The following PHC2 variants were observed in gnomAD, a reference collection of about 807,000 sequenced individuals.
PHC2 encodes the protein polyhomeotic homolog 2.
In PHC2, 29 loss-of-function variants were observed where a neutral mutation model predicts 87.4. That is an observed-to-expected ratio of 0.33 (90% CI 0.25 to 0.45). The LOEUF is 0.45. Ranked by LOEUF, PHC2 falls within the 20% of genes least tolerant of loss-of-function variation. The pLI is 1.00. For missense variants in PHC2, 857 were observed against 1,136.7 expected (o/e 0.75, Z 3.54); for synonymous variants, 438 against 461.7 (o/e 0.95, Z 0.66).
rs1647315065 is a variant in PHC2, at chr1:33,364,386, GCTTTCACACACACACACACACACA to G, written c.976+2706_976+2729del. 1.6e-5 allele frequency among the ~76,000 whole-genome samples: 2 copies of G among 121,284 alleles called. No homozygotes were observed. The highest frequency in any genetic ancestry group is 7.5e-5 in the African/African-American group (2 of 26,720). 79.6% of individuals were successfully genotyped at this position (121,284 alleles called of 152,430 possible). ...CACACACACACACACACACACACTT[GCTTTCACACACACACACACACACA>G]CACACACACACACACGCTCAAGCAC... On this transcript the variant is annotated intron_variant, in intron 7 of 14. Transcript: ENST00000683057. The surrounding 1 kb of genome is among the most constrained non-coding windows in gnomAD (Gnocchi z 4.1).
intron 9 of PHC2, chr1:33,350,507 A>C (rs545659449): frequency 4.9e-4 from 75 of 152,412 alleles, no homozygotes; most frequent in African/African-American, 1.7e-3. Flanking sequence ...GTGGCGAAGC[A>C]TACTCATTCA....
chr1:33,361,161 CAG>C (rs1557833208), intron 7 of PHC2, among the ~76,000 whole-genome samples: 2 of 152,164 alleles, frequency 1.3e-5, no homozygotes, highest in Non-Finnish European at 2.9e-5. Flanking sequence ...TTGGCCATAA[CAG>C]AGCGTCTGCA....
intron 1 of PHC2, among the ~76,000 whole-genome samples, chr1:33,405,661 C>T (rs974093643): frequency 6.6e-6 from 1 of 151,982 alleles, no homozygotes; most frequent in African/African-American, 2.4e-5. Flanking sequence ...AATTTAAAGC[C>T]ATAAATTTTC....
chr1:33,389,149 C>T lies in PHC2; in HGVS notation c.-54-13556G>A, dbSNP rs561456492. Among the ~76,000 whole-genome samples the T allele has an allele frequency of 5.9e-5, 9 of 151,678 alleles. No individual in the cohort carries two copies. The South Asian group carries it at 1.7e-3, about 28-fold the overall frequency. ...TGACAACCAGGACAGACGTAAGCCA[C>T]GGGTTGTGCATGTGGTGGGTGTTTG... On this transcript the variant is annotated intron_variant, in intron 1 of 14. Coordinates refer to ENST00000683057, the MANE Select transcript of PHC2 (RefSeq NM_001385109.1).
At chr1:33,416,575 C>CAAA (rs1164520486) in intron 1 of PHC2, among the ~76,000 whole-genome samples, 4 of 23,088 alleles carry the variant, frequency 1.7e-4, no homozygotes, top group Admixed American at 3.6e-4. Context: ...GATTCTGTCT[C>CAAA]AAAAAAAAGA....
At chr1:33,409,978 A>C (rs1649917764) in intron 1 of PHC2, among the ~76,000 whole-genome samples, 1 of 152,230 alleles carries the variant, frequency 6.6e-6, no homozygotes, top group Non-Finnish European at 1.5e-5. Flanking sequence ...TAATGACCTC[A>C]TGTATTTTCT....
intron 7 of PHC2, among the ~76,000 whole-genome samples, chr1:33,356,253 A>ATATATATATATATATATATATGTG (rs1553185637): frequency 2.0e-5 from 1 of 50,686 alleles, no homozygotes; most frequent in Non-Finnish European, 3.9e-5. Context: ...AAATTCTTAT[A>ATATATATATATATATATATATGTG]TATATATATA....
At chr1:33,361,116 TA>T (rs1647185389) in intron 7 of PHC2, among the ~76,000 whole-genome samples, 1 of 151,276 alleles carries the variant, frequency 6.6e-6, no homozygotes, top group Non-Finnish European at 1.5e-5. Context: ...CACAAAGGGG[TA>T]GGAGTGGGAG....
At chr1:33,370,989 T>TCTG in intron 4 of PHC2, 28 bp downstream of exon 4, 1 of 1,600,450 alleles carries the variant, frequency 6.2e-7, no homozygotes, top group Non-Finnish European at 8.6e-7. Context: ...GGCTGTGGAC[T>TCTG]CTGCTGCTGC....
At chr1:33,375,229 G>C (rs1322576610) in intron 2 of PHC2, 137 bp downstream of exon 2, 2 of 664,860 alleles carry the variant, frequency 3.0e-6, no homozygotes, top group South Asian at 3.1e-5. Flanking sequence ...ACACAAATGT[G>C]TATCTACGAA....
At chr1:33,358,594 TAGAG>T (rs535768045) in intron 7 of PHC2, among the ~76,000 whole-genome samples, 60 of 152,200 alleles carry the variant, frequency 3.9e-4, no homozygotes, top group Non-Finnish European at 7.8e-4. Context: ...TAATCCAGCT[TAGAG>T]AGAGCAAACT....
At chr1:33,348,726 G>C (rs1031785495) in intron 9 of PHC2, among the ~76,000 whole-genome samples, 1 of 152,184 alleles carries the variant, frequency 6.6e-6, no homozygotes, top group Admixed American at 6.5e-5. Flanking sequence ...TGATTTGTAA[G>C]GGAAGAAAAA....
At chr1:33,356,283 A>ATATATATATATATACG in intron 7 of PHC2, among the ~76,000 whole-genome samples, 1 of 141,684 alleles carries the variant, frequency 7.1e-6, no homozygotes, top group Non-Finnish European at 1.5e-5. Flanking sequence ...ATATGTATAT[A>ATATATATATATATACG]TATATATATA....
intron 1 of PHC2, among the ~76,000 whole-genome samples, chr1:33,386,317 A>G (rs1557842212): frequency 6.7e-6 from 1 of 150,196 alleles, no homozygotes; most frequent in Non-Finnish European, 1.5e-5. Context: ...GGAGTTCAAG[A>G]CCAGCCTGGC....
chr1:33,379,610 C>T (rs1648391950), intron 1 of PHC2, among the ~76,000 whole-genome samples: 1 of 148,504 alleles, frequency 6.7e-6, no homozygotes, highest in Admixed American at 6.7e-5. Flanking sequence ...ACACCTGTGC[C>T]CATGCTCCCT....
At position 33,331,897 on chromosome 1, in the gene PHC2, C is replaced by T. The variant is rs1646507047; in HGVS notation, c.1891+378G>A. On this transcript the variant is annotated intron_variant, in intron 11 of 14. Coordinates refer to ENST00000683057, the MANE Select transcript of PHC2 (RefSeq NM_001385109.1). This position sits in a 1 kb window ranked among gnomAD's most constrained non-coding sequence, Gnocchi z 5.2. ...CAGCTGTGCAGCTCTGTCAGTGCTT[C>T]ATGTGGAAAGAGCAGCCTTGCCTGG... Among the ~76,000 whole-genome samples the T allele has an allele frequency of 6.6e-6, 1 of 152,264 alleles. No individual in the cohort carries two copies. The highest frequency in any genetic ancestry group is 6.5e-5 in the Admixed American group (1 of 15,292).
intron 1 of PHC2, among the ~76,000 whole-genome samples, chr1:33,420,869 C>T (rs941722340): frequency 6.6e-6 from 1 of 152,154 alleles, no homozygotes; most frequent in Non-Finnish European, 1.5e-5. Flanking sequence ...CCTCAGCCTC[C>T]CAACGTGCTG....
intron 1 of PHC2, among the ~76,000 whole-genome samples, chr1:33,404,257 C>T (rs1428735223): frequency 6.6e-6 from 1 of 152,100 alleles, no homozygotes; most frequent in Non-Finnish European, 1.5e-5. Flanking sequence ...TTTTGTTTTT[C>T]CATCTATAGA....
At chr1:33,379,564 C>G (rs1206793824) in intron 1 of PHC2, among the ~76,000 whole-genome samples, 2 of 134,830 alleles carry the variant, frequency 1.5e-5, no homozygotes, top group Admixed American at 7.6e-5. Context: ...CCTGGTTTTC[C>G]CACTCTTTCC....
Sources: gnomAD v4.1 joint callset for allele counts (sites outside exome capture counted in the v4.1 genomes callset) on GRCh38, gnomAD v4.1.1 for gene constraint, Gnocchi (gnomAD v3.1) non-coding constraint, MANE v1.5 for transcripts, NCBI Gene and HGNC (gene_info 2026-07-23, HGNC 2026-07-21) for gene names.